The following CNTN5 variants were observed in gnomAD, a reference collection of about 807,000 sequenced individuals.
CNTN5 encodes the protein contactin-5.
CNTN5 carries 77 observed loss-of-function variants against 129.1 expected under a neutral mutation model. The observed-to-expected ratio is 0.60, with a 90% confidence interval of 0.50 to 0.72. The LOEUF (loss-of-function observed/expected upper bound fraction) is 0.72, where lower values mean the gene tolerates loss of function less well. CNTN5 is among the 30% of genes least tolerant of loss of function. The pLI, the probability that CNTN5 is intolerant of heterozygous loss-of-function variation, is 0.00. For missense variants in CNTN5, 1,478 were observed against 1,328.8 expected (o/e 1.11, Z -1.75); for synonymous variants, 509 against 465.6 (o/e 1.09, Z -1.20).
At chr11:99,802,175 C>G (rs1218988) in intron 3 of CNTN5, among the ~76,000 whole-genome samples, 88,047 of 152,112 alleles carry the variant, frequency 0.58, 26,266 homozygotes, top group East Asian at 0.72. Flanking sequence ...TCTGTCAACA[C>G]GTTTTAAATT....
intron 3 of CNTN5, among the ~76,000 whole-genome samples, chr11:99,628,859 A>G (rs1951234197): frequency 6.6e-6 from 1 of 152,074 alleles, no homozygotes; most frequent in African/African-American, 2.4e-5. Context: ...AGTTGTTTAC[A>G]AACCTCAAAC....
chr11:100,206,512 C>A (rs940895163), intron 15 of CNTN5, among the ~76,000 whole-genome samples: 2 of 152,070 alleles, frequency 1.3e-5, no homozygotes, highest in Non-Finnish European at 2.9e-5. Flanking sequence ...CAGGGATAAA[C>A]TATATCTTGC....
intron 15 of CNTN5, among the ~76,000 whole-genome samples, chr11:100,210,576 A>G (rs1949011169): frequency 1.3e-5 from 2 of 152,154 alleles, no homozygotes; most frequent in Admixed American, 1.3e-4. Context: ...ACTAATGTAT[A>G]TTGATTAATG....
At chr11:99,764,392 G>C (rs1055255218) in intron 3 of CNTN5, among the ~76,000 whole-genome samples, 2 of 151,798 alleles carry the variant, frequency 1.3e-5, no homozygotes, top group African/African-American at 4.8e-5. Flanking sequence ...AGAAACACTG[G>C]AAATCAATTT....
intron 2 of CNTN5, among the ~76,000 whole-genome samples, chr11:99,539,540 A>G (rs1177984922): frequency 3.3e-5 from 5 of 152,186 alleles, no homozygotes; most frequent in East Asian, 3.9e-4. Flanking sequence ...AGCATTTTTC[A>G]TTTATTTCAT....
intron 8 of CNTN5, among the ~76,000 whole-genome samples, chr11:99,957,488 T>C (rs1042018934): frequency 1.3e-5 from 2 of 152,216 alleles, no homozygotes; most frequent in Non-Finnish European, 2.9e-5. Context: ...ACTGTAACTT[T>C]TAGGTGCAAA....
chr11:99,406,602 T>C (rs997021259), intron 2 of CNTN5, among the ~76,000 whole-genome samples: 12 of 152,116 alleles, frequency 7.9e-5, no homozygotes, highest in African/African-American at 2.9e-4. Context: ...AATCAGCGGG[T>C]GGCCAAGCCA....
intron 3 of CNTN5, among the ~76,000 whole-genome samples, chr11:99,564,463 G>A (rs1377629799): frequency 6.6e-6 from 1 of 151,928 alleles, no homozygotes; most frequent in African/African-American, 2.4e-5. Context: ...CAGTAGCAGT[G>A]AAAGAACTGT....
chr11:99,145,683 A>G (rs1188987446), intron 1 of CNTN5, among the ~76,000 whole-genome samples: 1 of 152,136 alleles, frequency 6.6e-6, no homozygotes, highest in East Asian at 1.9e-4. Flanking sequence ...TTTAGTAGGT[A>G]AAAGACATGT....
intron 1 of CNTN5, among the ~76,000 whole-genome samples, chr11:99,131,836 T>G (rs1489098147): frequency 6.6e-6 from 1 of 152,196 alleles, no homozygotes; most frequent in Non-Finnish European, 1.5e-5. Flanking sequence ...GAGGAGCTGG[T>G]ACCATTTCTT....
chr11:99,723,480 A>G (rs1396077204), intron 3 of CNTN5, among the ~76,000 whole-genome samples: 2 of 152,170 alleles, frequency 1.3e-5, no homozygotes, highest in East Asian at 1.9e-4. Context: ...TCTGCTTCCT[A>G]TTTCCCTGAT....
At chr11:99,951,291 T>C (rs1355192587) in intron 7 of CNTN5, among the ~76,000 whole-genome samples, 1 of 151,458 alleles carries the variant, frequency 6.6e-6, no homozygotes, top group Non-Finnish European at 1.5e-5. Context: ...ACATGAAAAG[T>C]ATGTGACTCA....
At chr11:99,349,587 T>A (rs1938148653) in intron 2 of CNTN5, among the ~76,000 whole-genome samples, 1 of 152,198 alleles carries the variant, frequency 6.6e-6, no homozygotes, top group South Asian at 2.1e-4. Flanking sequence ...CATGGTGTAA[T>A]GGATCATTTG....
chr11:100,191,817 TC>T (rs1280746067), intron 14 of CNTN5, among the ~76,000 whole-genome samples: 1 of 152,012 alleles, frequency 6.6e-6, no homozygotes, highest in Non-Finnish European at 1.5e-5. Flanking sequence ...ATTTTATCGT[TC>T]TAAAATGAGC....
At chr11:100,337,747 C>T (rs1952064540) in intron 21 of CNTN5, 2 of 407,666 alleles carry the variant, frequency 4.9e-6, no homozygotes, top group East Asian at 5.5e-5. Context: ...TATAAAAGGT[C>T]TCCACCGACA....
chr11:99,410,609 T>G (rs7116370), intron 2 of CNTN5, among the ~76,000 whole-genome samples: 50,388 of 152,030 alleles, frequency 0.33, 8,470 homozygotes, highest in East Asian at 0.49. Flanking sequence ...AGCTGTAAAT[T>G]TATCCAGAAA....
rs551121670 is a variant in CNTN5 at position 100,356,921 on chromosome 11, A to C, written c.*701A>C. 6.6e-6 allele frequency: 1 copy of C among 151,782 alleles called. No homozygotes were observed. The highest frequency in any genetic ancestry group is 1.5e-5 in the Non-Finnish European group (1 of 67,804). The allele number at this position is 151,782 out of a possible 1,614,324, so 9.4% of individuals were successfully genotyped here. The stretch of plus-strand genomic sequence containing the variant: ...GAATTTCAGTGCTATAGTTTTTCAT[A>C]AAGTACTATGTTATCTAGCAGCAAA... On this transcript the variant is annotated 3_prime_UTR_variant, in exon 25 of 25. Transcript: ENST00000524871.
chr11:99,958,883 T>C (rs753069433), intron 8 of CNTN5, among the ~76,000 whole-genome samples: 1 of 152,296 alleles, frequency 6.6e-6, no homozygotes, highest in African/African-American at 2.4e-5. Flanking sequence ...TTGAGGAGGC[T>C]CTTCCACCTT....
chr11:100,274,636 T>C (rs2138794798), intron 18 of CNTN5, among the ~76,000 whole-genome samples: 1 of 152,344 alleles, frequency 6.6e-6, no homozygotes, highest in South Asian at 2.1e-4. Flanking sequence ...TCAACATCAC[T>C]GATCCTCAGA....
Sources: allele counts gnomAD v4.1 joint callset (sites outside exome capture counted in the v4.1 genomes callset), GRCh38; gene constraint gnomAD v4.1.1; transcripts MANE v1.5; gene names NCBI Gene and HGNC (gene_info 2026-07-23, HGNC 2026-07-21).